Variants in DTL observed in about 807,000 individuals in gnomAD.
DTL encodes the protein denticleless E3 ubiquitin protein ligase adapter.
DTL carries 46 observed loss-of-function variants against 87.0 expected under a neutral mutation model. The observed-to-expected ratio is 0.53, with a 90% CI of 0.42 to 0.68. The LOEUF (loss-of-function observed/expected upper bound fraction) is 0.68. Ranked by LOEUF, DTL falls within the 30% of genes least tolerant of loss-of-function variation. The pLI is 0.00. For missense variants in DTL, 737 were observed against 869.4 expected, an observed-to-expected ratio of 0.85 and a Z score of 1.91; for synonymous variants, 308 against 311.2, an observed-to-expected ratio of 0.99 and a Z score of 0.11.
At chr1:212,087,866 G>T (rs1014200746) in intron 13 of DTL, among the ~76,000 whole-genome samples, 6 of 152,074 alleles carry the variant, frequency 3.9e-5, no homozygotes, top group Admixed American at 1.3e-4. Context: ...TCTGGCCCTG[G>T]CTTGTAAACC....
At chr1:212,054,091 G>A (rs1668083411) in intron 5 of DTL, among the ~76,000 whole-genome samples, 1 of 152,154 alleles carries the variant, frequency 6.6e-6, no homozygotes, top group African/African-American at 2.4e-5. Flanking sequence ...CACACCTACA[G>A]GAGGGCAGTG....
At chr1:212,041,463 G>A (rs543423152) in intron 1 of DTL, among the ~76,000 whole-genome samples, 26 of 134,268 alleles carry the variant, frequency 1.9e-4, no homozygotes, top group Non-Finnish European at 3.1e-4. Flanking sequence ...CACTTATTCC[G>A]TAGGTTAATA....
At chr1:212,043,510 C>T (rs913656254) in intron 2 of DTL, among the ~76,000 whole-genome samples, 8 of 152,108 alleles carry the variant, frequency 5.3e-5, no homozygotes, top group African/African-American at 1.9e-4. Flanking sequence ...CTCAGTGGCT[C>T]ACACCTAAAA....
chr1:212,042,169 A>G (rs1380416200), intron 1 of DTL, among the ~76,000 whole-genome samples: 5 of 152,214 alleles, frequency 3.3e-5, no homozygotes, highest in Non-Finnish European at 7.3e-5. Flanking sequence ...TTTATTTTAT[A>G]TATTTAAAAT....
At chr1:212,077,049 T>G (rs1245753089) in intron 11 of DTL, among the ~76,000 whole-genome samples, 2 of 152,124 alleles carry the variant, frequency 1.3e-5, no homozygotes, top group Non-Finnish European at 2.9e-5. Flanking sequence ...AACCATAATC[T>G]GGGGGAATCT....
At chr1:212,052,740 A>T (rs2970595) in intron 5 of DTL, among the ~76,000 whole-genome samples, 74,258 of 141,996 alleles carry the variant, frequency 0.52, 18,493 homozygotes, top group East Asian at 0.7. Context: ...ATATATATAT[A>T]TTTTTTTTCA....
chr1:212,072,967 A>G (rs373413079), intron 11 of DTL, among the ~76,000 whole-genome samples: 1 of 151,996 alleles, frequency 6.6e-6, no homozygotes, highest in African/African-American at 2.4e-5. Context: ...GGGTTTCACC[A>G]TGTTAGCCAG....
At chr1:212,082,651 GGT>G (rs1655020890) in intron 13 of DTL, among the ~76,000 whole-genome samples, 1 of 152,160 alleles carries the variant, frequency 6.6e-6, no homozygotes, top group South Asian at 2.1e-4. Context: ...TGGGGAGAGA[GGT>G]GGAGAGATGA....
intron 10 of DTL, among the ~76,000 whole-genome samples, chr1:212,069,547 A>C (rs1654609014): frequency 6.6e-6 from 1 of 151,368 alleles, no homozygotes; most frequent in South Asian, 2.1e-4. Flanking sequence ...TATAGATATA[A>C]ATTTTTTTTT....
chr1:212,102,476 A>G (rs1353849656), intron 14 of DTL, among the ~76,000 whole-genome samples: 7 of 152,230 alleles, frequency 4.6e-5, no homozygotes, highest in African/African-American at 1.7e-4. Flanking sequence ...GTCAACCTTC[A>G]GAAGAGAGTA....
chr1:212,101,138 C>A, intron 14 of DTL, 54 bp downstream of exon 14: 1 of 1,279,284 alleles, frequency 7.8e-7, no homozygotes, highest in Non-Finnish European at 1.1e-6. Flanking sequence ...GGGCCAGACA[C>A]CCAGATGTCT....
At chr1:212,063,497 G>A (rs949702594) in intron 6 of DTL, among the ~76,000 whole-genome samples, 10 of 151,674 alleles carry the variant, frequency 6.6e-5, no homozygotes, top group African/African-American at 1.7e-4. Flanking sequence ...CACTATGTTG[G>A]CCAGGCTGGT....
chr1:212,064,313 A>ACAG (rs1654427314), intron 6 of DTL, among the ~76,000 whole-genome samples: 1 of 152,154 alleles, frequency 6.6e-6, no homozygotes, highest in Non-Finnish European at 1.5e-5. Flanking sequence ...CCCCACTGAC[A>ACAG]ACATCCTGTG....
chr1:212,103,863 T>A lies in DTL; in HGVS notation c.*923T>A, dbSNP rs1330694685. The A allele has an allele frequency of 6.6e-6, 1 of 152,212 alleles. No individual in the cohort carries two copies. Among genetic ancestry groups the A allele is most frequent in the African/African-American group, 2.4e-5 (1 of 41,456 alleles). The allele number at this position is 152,212 out of a possible 1,614,324, so 9.4% of individuals were successfully genotyped here. A position where few individuals can be genotyped will look rare whatever the true frequency, so the allele number is the denominator to read the frequency against. On this transcript the variant is annotated 3_prime_UTR_variant, in exon 15 of 15. Transcript: ENST00000366991. ...ATTTTAAGAAAAAAGTGATGATTTC[T>A]TATTGATATTTTTGTAACAGAATAT...
intron 11 of DTL, among the ~76,000 whole-genome samples, chr1:212,072,821 T>C (rs2102558497): frequency 6.7e-6 from 1 of 150,120 alleles, no homozygotes; most frequent in Non-Finnish European, 1.5e-5. Flanking sequence ...TGGAGTGCAG[T>C]GGCACGATCT....
In DTL at chr1:212,071,937, T is replaced by C. The variant is rs151088939; in HGVS notation, c.923-164T>C. 319 of 523,708 alleles carry C rather than the reference T, an allele frequency of 6.1e-4. 1 individual carries two copies. Among genetic ancestry groups the C allele is most frequent in the African/African-American group, 5.4e-3 (284 of 52,344 alleles). The allele number at this position is 523,708 out of a possible 1,614,324, so 32.4% of individuals were successfully genotyped here. ...TAAAGCTTCCTTCTAGGGTTTTGTT[T>C]TTCTGCCAATGTCTAGTTCCCTTGT... On this transcript the variant is annotated intron_variant, in intron 10 of 14. Coordinates refer to ENST00000366991, the MANE Select transcript of DTL (RefSeq NM_016448.4).
chr1:212,084,014 G>A (rs763134621), intron 13 of DTL, among the ~76,000 whole-genome samples: 1 of 152,078 alleles, frequency 6.6e-6, no homozygotes, highest in Non-Finnish European at 1.5e-5. Context: ...AAGGCCTAAG[G>A]TTAATGGGGA....
At position 212,062,867 on chromosome 1, in the gene DTL, T is replaced by C. The variant is rs368351946; in HGVS notation, c.461-17T>C. The C allele has an allele frequency of 2.5e-6, 4 of 1,608,794 alleles. No individual in the cohort carries two copies. Among genetic ancestry groups the C allele is most frequent in the Non-Finnish European group, 3.4e-6 (4 of 1,175,378 alleles). On this transcript the variant is annotated splice_polypyrimidine_tract_variant and intron_variant, in intron 5 of 14. Coordinates refer to ENST00000366991, the MANE Select transcript of DTL (RefSeq NM_016448.4). ...TGGTTTTGTTAACCTCTTAATAATC[T>C]GTTTATTTCCCCACAGCTGTATTCT...
chr1:212,068,779 C>A, intron 10 of DTL, 76 bp downstream of exon 10: 1 of 921,338 alleles, frequency 1.1e-6, no homozygotes, highest in Non-Finnish European at 1.7e-6. Context: ...ATTTAATGGG[C>A]TTTCTTCTAA....
Sources: allele counts gnomAD v4.1 joint callset (sites outside exome capture counted in the v4.1 genomes callset), GRCh38; gene constraint gnomAD v4.1.1; transcripts MANE v1.5; gene names NCBI Gene and HGNC (gene_info 2026-07-23, HGNC 2026-07-21).